The following HS6ST1 variants were observed in gnomAD, a reference collection of about 807,000 sequenced individuals.
HS6ST1 encodes the protein heparan-sulfate 6-O-sulfotransferase 1.
In HS6ST1, 3 loss-of-function variants were observed where a neutral mutation model predicts 25.2. The ratio of observed to expected loss-of-function variants is 0.12; its 90% confidence interval spans 0.05 to 0.31. HS6ST1 has a LOEUF of 0.31. Among genes scored for constraint, HS6ST1 ranks in the 10% least tolerant of loss-of-function variants. HS6ST1 has a pLI of 1.00. For synonymous variants in HS6ST1, 204 were observed against 275.1 expected (o/e 0.74, Z 2.56); for missense variants, 310 against 609.6 (o/e 0.51, Z 5.18).
chr2:128,278,199 T>C (rs1240216140), intron 1 of HS6ST1, among the ~76,000 whole-genome samples: 2 of 152,248 alleles, frequency 1.3e-5, no homozygotes, highest in African/African-American at 2.4e-5. Context: ...CTGCAGCCCA[T>C]GGTGCCTGTC....
intron 1 of HS6ST1, among the ~76,000 whole-genome samples, chr2:128,310,792 G>C (rs1002319842): frequency 4.6e-5 from 7 of 152,142 alleles, no homozygotes; most frequent in African/African-American, 1.4e-4. Context: ...GGGGACTTGG[G>C]ACAATGCCCT....
chr2:128,268,542 G>T lies in HS6ST1; in HGVS notation c.856C>A (p.Arg286=). The change falls in exon 2 of 2, where the codon CGG becomes AGG. Residue 286 remains arginine (R), a synonymous_variant. Coordinates refer to ENST00000259241, the MANE Select transcript of HS6ST1 (RefSeq NM_004807.3). ...GTCAGGCCGAAGAAGGCCATGCCCCGCAGGTTCTTCTTGGCGCTCTCGAGC... is the reference window on the plus strand; with the variant it reads ...GTCAGGCCGAAGAAGGCCATGCCCCTCAGGTTCTTCTTGGCGCTCTCGAGC... ...LLLESAKKNL[R]GMAFFGLTEF... The T allele has an allele frequency of 1.2e-6, 2 of 1,600,938 alleles. No homozygotes were observed. Among genetic ancestry groups the T allele is most frequent in the Middle Eastern group, 1.8e-4 (1 of 5,672 alleles).
intron 1 of HS6ST1, among the ~76,000 whole-genome samples, chr2:128,286,607 CA>C (rs926176940): frequency 5.5e-4 from 84 of 152,310 alleles, no homozygotes; most frequent in African/African-American, 1.9e-3. Flanking sequence ...GTTTCAAGGA[CA>C]GGACACTGCT....
chr2:128,311,359 G>T (rs1381553563), intron 1 of HS6ST1, among the ~76,000 whole-genome samples: 1 of 152,212 alleles, frequency 6.6e-6, no homozygotes. Flanking sequence ...TGCCCGAAAA[G>T]TGCTGGCAGG....
At chr2:128,285,394 C>A (rs1217698845) in intron 1 of HS6ST1, among the ~76,000 whole-genome samples, 7 of 152,176 alleles carry the variant, frequency 4.6e-5, no homozygotes, top group Non-Finnish European at 8.8e-5. Flanking sequence ...GGTCCACAGA[C>A]CCCACTGGGG....
chr2:128,268,372 G>T lies in HS6ST1; in HGVS notation c.1026C>A (p.Asp342Glu). Residue 342 changes from aspartate to glutamate, a missense_variant, in exon 2 of 2, where the codon GAC becomes GAA. Asp to Glu is a conservative substitution (Grantham distance 45). Transcript: ENST00000259241. ...CGTAGTCGTACAGCTGCATGTCCAG[G>T]TCGTTGAGCTCCTCGATGCGCCGGA... ...DTIRRIEELN[D>E]LDMQLYDYAK... The T allele has an allele frequency of 6.2e-7, 1 of 1,613,676 alleles. No individual in the cohort carries two copies. Among genetic ancestry groups the T allele is most frequent in the Non-Finnish European group, 8.5e-7 (1 of 1,179,868 alleles).
At chr2:128,288,464 A>G (rs765553508) in intron 1 of HS6ST1, among the ~76,000 whole-genome samples, 1 of 152,206 alleles carries the variant, frequency 6.6e-6, no homozygotes, top group African/African-American at 2.4e-5. Context: ...GGGACTCTGC[A>G]TTAACACAGA....
At chr2:128,315,044 A>AT (rs1694341766) in intron 1 of HS6ST1, among the ~76,000 whole-genome samples, 1 of 152,180 alleles carries the variant, frequency 6.6e-6, no homozygotes, top group African/African-American at 2.4e-5. Context: ...ATGGCTGGCC[A>AT]TTTGGCTGCT....
chr2:128,288,833 C>T (rs1201469329), intron 1 of HS6ST1, among the ~76,000 whole-genome samples: 1 of 152,118 alleles, frequency 6.6e-6, no homozygotes, highest in Admixed American at 6.5e-5. Flanking sequence ...TTCTCGGGGT[C>T]AGGAGGGCGA....
At chr2:128,304,111 G>A (rs568881363) in intron 1 of HS6ST1, among the ~76,000 whole-genome samples, 2 of 152,304 alleles carry the variant, frequency 1.3e-5, no homozygotes, top group East Asian at 1.9e-4. Context: ...AAGCCTGCTC[G>A]CTGGCTTCCC....
intron 1 of HS6ST1, among the ~76,000 whole-genome samples, chr2:128,312,394 A>G (rs1464407620): frequency 2.0e-5 from 3 of 152,194 alleles, no homozygotes; most frequent in African/African-American, 7.2e-5. Context: ...TCCAAACAAG[A>G]TGACCCATTC....
chr2:128,313,940 T>TA (rs59138336), intron 1 of HS6ST1, among the ~76,000 whole-genome samples: 6,398 of 138,008 alleles, frequency 0.046, 167 homozygotes, highest in Non-Finnish European at 0.064. Context: ...TGTGTTTGCT[T>TA]AAAAAAAAAA....
chr2:128,295,974 G>A (rs1694035009), intron 1 of HS6ST1, among the ~76,000 whole-genome samples: 1 of 152,192 alleles, frequency 6.6e-6, no homozygotes, highest in Non-Finnish European at 1.5e-5. Context: ...GACTCTGAGA[G>A]GTAATTAGGT....
chr2:128,270,744 G>A (rs954061279), intron 1 of HS6ST1, among the ~76,000 whole-genome samples: 6 of 152,194 alleles, frequency 3.9e-5, no homozygotes, highest in Admixed American at 3.9e-4. Flanking sequence ...CAAATGGATG[G>A]AGACAGGCCA....
At chr2:128,288,317 G>A (rs6736450) in intron 1 of HS6ST1, among the ~76,000 whole-genome samples, 1 of 152,082 alleles carries the variant, frequency 6.6e-6, no homozygotes, top group South Asian at 2.1e-4. Context: ...AGGTCCTGCC[G>A]GGGTGTGCAG....
At chr2:128,305,585 G>T (rs1483718579) in intron 1 of HS6ST1, among the ~76,000 whole-genome samples, 1 of 152,230 alleles carries the variant, frequency 6.6e-6, no homozygotes. Context: ...TGAGGCCCTT[G>T]TTCTCCAGGC....
intron 1 of HS6ST1, among the ~76,000 whole-genome samples, chr2:128,276,700 G>A (rs1360934720): frequency 2.0e-5 from 3 of 152,172 alleles, no homozygotes. Context: ...CTAGAAGGCA[G>A]CCTGAGAGGC....
In HS6ST1 at chr2:128,318,136, G is replaced by T; in HGVS notation, c.428C>A (p.Thr143Asn). ...GGCGTGCAGCCCGCAGCTCCAGCCG[G>T]TGGAGAAGCGGGAGAAGAGCCAAGT... The part of the protein sequence containing the change: ...RETWLFSRFS[T>N]GWSCGLHADW... The change falls in exon 1 of 2, where the codon ACC becomes AAC. Residue 143 changes from threonine (T) to asparagine (N), a missense_variant. By Grantham distance (65) the Thr-to-Asn change is moderately conservative. Transcript: ENST00000259241. The surrounding 1 kb of genome is among the most constrained non-coding windows in gnomAD (Gnocchi z 5.7). 6.5e-7 allele frequency: 1 copy of T among 1,529,118 alleles called. No individual in the cohort carries two copies. The highest frequency in any genetic ancestry group is 8.8e-7 in the Non-Finnish European group (1 of 1,137,868). 94.7% of individuals were successfully genotyped at this position (1,529,118 alleles called of 1,614,324 possible). A position where few individuals can be genotyped will look rare whatever the true frequency, so the allele number is the denominator to read the frequency against.
rs190454579 is a variant in HS6ST1 at position 128,285,373 on chromosome 2, C to T, written c.528-16503G>A. ...GCAGGTGGCTCCCTCTCTAGCCTGC[C>T]GTGGTGGCAGGGTCCACAGACCCCA... On this transcript the variant is annotated intron_variant, in intron 1 of 1. Coordinates refer to ENST00000259241, the MANE Select transcript of HS6ST1 (RefSeq NM_004807.3). Among the ~76,000 whole-genome samples the T allele has an allele frequency of 1.1e-3, 164 of 152,274 alleles. 1 individual carries two copies. Among genetic ancestry groups the T allele is most frequent in the African/African-American group, 3.6e-3 (149 of 41,574 alleles).
Sources: gnomAD v4.1 joint callset for allele counts (sites outside exome capture counted in the v4.1 genomes callset) on GRCh38, gnomAD v4.1.1 for gene constraint, Gnocchi (gnomAD v3.1) non-coding constraint, MANE v1.5 for transcripts, NCBI Gene and HGNC (gene_info 2026-07-23, HGNC 2026-07-21) for gene names.